The following SND1 variants were observed in gnomAD, a reference collection of about 807,000 sequenced individuals.
SND1 encodes the protein staphylococcal nuclease and tudor domain containing 1, also known as staphylococcal nuclease domain-containing protein 1.
A neutral mutation model predicts 121.7 loss-of-function variants in SND1; 38 were observed. The ratio of observed to expected loss-of-function variants is 0.31; its 90% CI spans 0.24 to 0.41. SND1 has a LOEUF of 0.41. Among genes scored for constraint, SND1 ranks in the 10% least tolerant of loss-of-function variants. The probability of loss-of-function intolerance (pLI) is 1.00; values close to 1 mark genes in which losing one functional copy is unlikely to be tolerated. For missense variants in SND1, 868 were observed against 1,184.6 expected (o/e 0.73, Z 3.92); for synonymous variants, 401 against 447.4 (o/e 0.90, Z 1.31).
chr7:127,826,809 G>A (rs577177330), intron 11 of SND1, among the ~76,000 whole-genome samples: 1 of 152,292 alleles, frequency 6.6e-6, no homozygotes, highest in African/African-American at 2.4e-5. Flanking sequence ...AGGTATAGCT[G>A]TAGAGTGGAT....
At chr7:127,760,071 G>C (rs1797276175) in intron 10 of SND1, among the ~76,000 whole-genome samples, 1 of 152,272 alleles carries the variant, frequency 6.6e-6, no homozygotes, top group African/African-American at 2.4e-5. Context: ...CTCATGACAG[G>C]CTGCCCTCCC....
At chr7:127,888,981 G>A (rs1403585393) in intron 13 of SND1, among the ~76,000 whole-genome samples, 1 of 152,098 alleles carries the variant, frequency 6.6e-6, no homozygotes, top group Non-Finnish European at 1.5e-5. Flanking sequence ...GCCCTGATAT[G>A]TGACATTTAC....
At chr7:127,994,763 G>A (rs1802606526) in intron 16 of SND1, among the ~76,000 whole-genome samples, 1 of 152,086 alleles carries the variant, frequency 6.6e-6, no homozygotes. Flanking sequence ...CCAGGCTGGA[G>A]TGCAGTGGCG....
chr7:127,971,771 A>ATT (rs200086577), intron 15 of SND1, among the ~76,000 whole-genome samples: 13 of 141,116 alleles, frequency 9.2e-5, no homozygotes, highest in African/African-American at 1.8e-4. Context: ...TGCTGAATTA[A>ATT]TTTTTTTTTT....
At chr7:127,723,304 G>T (rs1438462895) in intron 10 of SND1, among the ~76,000 whole-genome samples, 1 of 152,298 alleles carries the variant, frequency 6.6e-6, no homozygotes, top group East Asian at 1.9e-4. Context: ...TGGAATTGGA[G>T]TATTTCCTAG....
At chr7:127,928,793 G>A (rs916384006) in intron 14 of SND1, among the ~76,000 whole-genome samples, 2 of 152,014 alleles carry the variant, frequency 1.3e-5, no homozygotes, top group Admixed American at 1.3e-4. Context: ...GTTTTGCCAT[G>A]TTGGCCAGGA....
At chr7:128,001,361 T>A (rs1802821327) in intron 16 of SND1, among the ~76,000 whole-genome samples, 1 of 152,228 alleles carries the variant, frequency 6.6e-6, no homozygotes, top group South Asian at 2.1e-4. Flanking sequence ...TAGGTTCTCA[T>A]TCCACTTTCA....
At chr7:128,032,303 CT>C (rs1792647844) in intron 16 of SND1, among the ~76,000 whole-genome samples, 1 of 149,488 alleles carries the variant, frequency 6.7e-6, no homozygotes, top group African/African-American at 2.5e-5. Flanking sequence ...CTCTCTTCCT[CT>C]CTCCCCCTCC....
intron 15 of SND1, among the ~76,000 whole-genome samples, chr7:127,954,581 C>T (rs1043605764): frequency 6.6e-6 from 1 of 152,128 alleles, no homozygotes; most frequent in Non-Finnish European, 1.5e-5. Flanking sequence ...GACCACTCTC[C>T]AAGAGCTTTG....
At chr7:127,731,684 T>C (rs970684240) in intron 10 of SND1, among the ~76,000 whole-genome samples, 2 of 152,230 alleles carry the variant, frequency 1.3e-5, no homozygotes, top group Non-Finnish European at 2.9e-5. Flanking sequence ...GCCTCAGCAC[T>C]GTCAGAGTTC....
intron 2 of SND1, among the ~76,000 whole-genome samples, chr7:127,688,413 A>G (rs1174986404): frequency 6.6e-6 from 1 of 152,172 alleles, no homozygotes; most frequent in African/African-American, 2.4e-5. Context: ...GGCTGTCAGA[A>G]ATGAAATTTC....
At chr7:128,084,183 GC>G (rs1793651532) in intron 18 of SND1, among the ~76,000 whole-genome samples, 1 of 152,212 alleles carries the variant, frequency 6.6e-6, no homozygotes, top group African/African-American at 2.4e-5. Context: ...ACCTTCCATG[GC>G]TTCAATTCTG....
chr7:127,804,661 C>T, intron 10 of SND1, among the ~76,000 whole-genome samples: 1 of 151,814 alleles, frequency 6.6e-6, no homozygotes, highest in Admixed American at 6.6e-5. Context: ...GTCCTAGCTA[C>T]TCAGGAGGCC....
intron 12 of SND1, among the ~76,000 whole-genome samples, chr7:127,870,433 G>T (rs565824774): frequency 6.6e-6 from 1 of 152,220 alleles, no homozygotes; most frequent in Non-Finnish European, 1.5e-5. Flanking sequence ...GTGTCCTTAG[G>T]CAATTTGGTC....
chr7:127,830,557 G>A (rs780051116), intron 11 of SND1, among the ~76,000 whole-genome samples: 31 of 152,014 alleles, frequency 2.0e-4, no homozygotes, highest in Non-Finnish European at 3.1e-4. Flanking sequence ...TTGTTTATTT[G>A]CTTTTCTATT....
intron 2 of SND1, among the ~76,000 whole-genome samples, chr7:127,690,716 C>T (rs970009907): frequency 4.6e-5 from 7 of 152,190 alleles, no homozygotes; most frequent in Non-Finnish European, 7.3e-5. Context: ...AGAACCTGAG[C>T]GTCTCCATTT....
intron 14 of SND1, among the ~76,000 whole-genome samples, chr7:127,923,191 C>T (rs1158326209): frequency 6.6e-6 from 1 of 152,138 alleles, no homozygotes; most frequent in Non-Finnish European, 1.5e-5. Context: ...GTATTGAACT[C>T]CTAGCCTCAT....
At chr7:127,769,246 G>A (rs1297788074) in intron 10 of SND1, among the ~76,000 whole-genome samples, 1 of 150,458 alleles carries the variant, frequency 6.6e-6, no homozygotes, top group Non-Finnish European at 1.5e-5. Flanking sequence ...ATTAGGTAGA[G>A]TGTTTTTTTT....
intron 16 of SND1, among the ~76,000 whole-genome samples, chr7:128,072,086 G>A (rs1466981553): frequency 6.6e-6 from 1 of 152,242 alleles, no homozygotes; most frequent in Admixed American, 6.5e-5. Flanking sequence ...CTGGAGAAAG[G>A]CGAGCATGTG....
Sources: gnomAD v4.1 joint callset for allele counts (sites outside exome capture counted in the v4.1 genomes callset) on GRCh38, gnomAD v4.1.1 for gene constraint, MANE v1.5 for transcripts, NCBI Gene and HGNC (gene_info 2026-07-23, HGNC 2026-07-21) for gene names.